The following OPCML variants were observed in gnomAD, a reference collection of about 807,000 sequenced individuals.
OPCML encodes the protein opioid-binding protein/cell adhesion molecule.
A neutral mutation model predicts 37.8 loss-of-function variants in OPCML; 13 were observed. The observed-to-expected ratio is 0.34, with a 90% CI of 0.22 to 0.55. The LOEUF is 0.55. Ranked by LOEUF, OPCML falls within the 20% of genes least tolerant of loss-of-function variation. The probability of loss-of-function intolerance (pLI) is 0.91; values close to 1 mark genes in which losing one functional copy is unlikely to be tolerated. For missense variants in OPCML, 341 were observed against 435.6 expected (o/e 0.78, Z 1.93); for synonymous variants, 176 against 168.8 (o/e 1.04, Z -0.33).
intron 1 of OPCML, chr11:133,302,614 G>A (rs1255394187): frequency 6.6e-6 from 1 of 152,214 alleles, no homozygotes; most frequent in Non-Finnish European, 1.5e-5. Context: ...AACAGTATAT[G>A]ACAGAAATTT....
chr11:132,601,088 T>C (rs575195480), intron 3 of OPCML, among the ~76,000 whole-genome samples: 1 of 152,118 alleles, frequency 6.6e-6, no homozygotes, highest in Admixed American at 6.6e-5. Flanking sequence ...AACTGTCAAG[T>C]TGAACAGAAG....
At chr11:132,958,353 T>C (rs933816779) in intron 1 of OPCML, among the ~76,000 whole-genome samples, 2 of 152,342 alleles carry the variant, frequency 1.3e-5, no homozygotes, top group East Asian at 3.9e-4. Flanking sequence ...CAGAGGTTAG[T>C]TGATGAGGTT....
chr11:132,818,608 T>TA (rs61194041), intron 2 of OPCML, among the ~76,000 whole-genome samples: 63,121 of 127,800 alleles, frequency 0.49, 15,107 homozygotes, highest in East Asian at 0.62. Flanking sequence ...GATAGATAGA[T>TA]GATAGATAGA....
At chr11:133,316,814 C>G (rs1217299517) in intron 1 of OPCML, among the ~76,000 whole-genome samples, 1 of 152,194 alleles carries the variant, frequency 6.6e-6, no homozygotes, top group Non-Finnish European at 1.5e-5. Context: ...ATTATGACTT[C>G]ATCGCTAAGC....
intron 2 of OPCML, among the ~76,000 whole-genome samples, chr11:132,713,970 A>G (rs1944370296): frequency 6.6e-6 from 1 of 152,252 alleles, no homozygotes; most frequent in Admixed American, 6.5e-5. Context: ...AAACAACCTA[A>G]GTAAACAGTA....
intron 2 of OPCML, among the ~76,000 whole-genome samples, chr11:132,887,881 T>C (rs1462291316): frequency 1.3e-5 from 2 of 152,188 alleles, no homozygotes; most frequent in Admixed American, 6.5e-5. Context: ...ATATTTCCTA[T>C]CCCAGAGAGA....
intron 1 of OPCML, among the ~76,000 whole-genome samples, chr11:133,184,460 G>C (rs1270742229): frequency 1.3e-5 from 2 of 152,168 alleles, no homozygotes; most frequent in African/African-American, 4.8e-5. Context: ...GGCTGAAAGA[G>C]AGAAAGGACC....
chr11:132,859,198 G>A (rs559549202), intron 2 of OPCML: 2 of 152,302 alleles, frequency 1.3e-5, no homozygotes, highest in East Asian at 3.9e-4. Context: ...TTTGGGGGAA[G>A]AGCAGACTGA....
intron 3 of OPCML, among the ~76,000 whole-genome samples, chr11:132,562,363 G>T (rs2096412547): frequency 1.3e-5 from 2 of 152,054 alleles, no homozygotes; most frequent in African/African-American, 2.4e-5. Context: ...AAAATCAGGG[G>T]TATAACCCAG....
At chr11:132,736,625 A>T (rs1460342630) in intron 2 of OPCML, among the ~76,000 whole-genome samples, 1 of 152,184 alleles carries the variant, frequency 6.6e-6, no homozygotes, top group Non-Finnish European at 1.5e-5. Flanking sequence ...GTCTACCATG[A>T]TCTCTTTCTT....
At position 133,084,866 on chromosome 11, in the gene OPCML, GATTT is replaced by G. The variant is rs777595602; in HGVS notation, c.62-141860_62-141857del. On this transcript the variant is annotated intron_variant, in intron 1 of 7. Coordinates refer to ENST00000524381, the MANE Select transcript of OPCML (RefSeq NM_001012393.5). ...GAGTGAGCATCTACCATACAATATA[GATTT>G]ATTATAAGAACCATGATATAAAAAT... Among the ~76,000 whole-genome samples, 8 of 152,146 alleles carry G rather than the reference GATTT, an allele frequency of 5.3e-5. No individual in the cohort carries two copies. The South Asian group carries it at 1.2e-3, about 24-fold the overall frequency.
chr11:133,159,579 T>G (rs1290978545), intron 1 of OPCML, among the ~76,000 whole-genome samples: 2 of 152,232 alleles, frequency 1.3e-5, no homozygotes, highest in Non-Finnish European at 2.9e-5. Flanking sequence ...TTTCAATGAC[T>G]AAAGCAAGTC....
At chr11:132,805,281 AT>A (rs1320216989) in intron 2 of OPCML, among the ~76,000 whole-genome samples, 1 of 152,208 alleles carries the variant, frequency 6.6e-6, no homozygotes, top group African/African-American at 2.4e-5. Flanking sequence ...AGAAAAAAGG[AT>A]TTTATGAGCC....
chr11:133,128,550 G>A (rs577468734), intron 1 of OPCML, among the ~76,000 whole-genome samples: 78 of 152,230 alleles, frequency 5.1e-4, no homozygotes, highest in Non-Finnish European at 9.1e-4. Context: ...ACTTTCAAAC[G>A]GTGTAGTCCC....
At chr11:133,328,702 T>G (rs1308983206) in intron 1 of OPCML, among the ~76,000 whole-genome samples, 3 of 152,186 alleles carry the variant, frequency 2.0e-5, no homozygotes, top group Non-Finnish European at 4.4e-5. Context: ...AAGAGCTATC[T>G]ATGACAAACC....
chr11:133,466,190 A>T (rs1157980281), intron 1 of OPCML, among the ~76,000 whole-genome samples: 1 of 152,176 alleles, frequency 6.6e-6, no homozygotes, highest in Non-Finnish European at 1.5e-5. Context: ...TTTGATGTGG[A>T]AAATTTTAAG....
rs547420416 is a variant in OPCML, at chr11:132,746,445, A to G, written c.147-89126T>C. Among the ~76,000 whole-genome samples the G allele has an allele frequency of 2.8e-4, 43 of 152,000 alleles. No homozygotes were observed. The East Asian group carries it at 8.2e-3, about 29-fold the overall frequency. ...AGACACCACTCTCATCGGCGTTTAT[A>G]CCCACTCCTCCCCCCACCTCTGTGT... On this transcript the variant is annotated intron_variant, in intron 2 of 7. Transcript: ENST00000524381.
intron 2 of OPCML, among the ~76,000 whole-genome samples, chr11:132,917,725 G>A (rs1053808827): frequency 1.3e-5 from 2 of 152,126 alleles, no homozygotes; most frequent in Admixed American, 6.6e-5. Flanking sequence ...ACTGTACCTG[G>A]GGAACGCTCT....
Position 133,435,509 on chromosome 11 carries a change from T to C in OPCML, c.61+96755A>G, listed in dbSNP as rs538416886. On this transcript the variant is annotated intron_variant, in intron 1 of 7. Transcript: ENST00000524381. ...TGTCAGAGGAGATAACTGAGGAATATAGAGTCTTTCTTCAGTTTCCATTTG... is the reference window on the plus strand; with the variant it reads ...TGTCAGAGGAGATAACTGAGGAATACAGAGTCTTTCTTCAGTTTCCATTTG... Among the ~76,000 whole-genome samples the C allele has an allele frequency of 3.9e-5, 6 of 152,328 alleles. No homozygotes were observed. The South Asian group carries it at 8.3e-4, about 21-fold the overall frequency.
Sources: allele counts gnomAD v4.1 joint callset (sites outside exome capture counted in the v4.1 genomes callset), GRCh38; gene constraint gnomAD v4.1.1; transcripts MANE v1.5; gene names NCBI Gene and HGNC (gene_info 2026-07-23, HGNC 2026-07-21).